FUNDC1: variants seen among roughly 807,000 people sequenced by gnomAD.
FUNDC1 encodes FUN14 domain-containing protein 1.
In FUNDC1, 10 loss-of-function variants were observed where a neutral mutation model predicts 14.5. The observed-to-expected ratio is 0.69, with a 90% CI of 0.43 to 1.17. FUNDC1 has a LOEUF of 1.17. Among genes scored for constraint, FUNDC1 ranks in the 50% most tolerant of loss-of-function variants. The probability of loss-of-function intolerance (pLI) is 0.00; values close to 1 mark genes in which losing one functional copy is unlikely to be tolerated. For missense variants in FUNDC1, 115 were observed against 113.8 expected, an observed-to-expected ratio of 1.01 and a Z score of -0.05; for synonymous variants, 33 against 39.7, an observed-to-expected ratio of 0.83 and a Z score of 0.64.
rs760438381 is a variant in FUNDC1, at chrX:44,524,204, T to C, written c.462A>G (p.Ala154=). 1.7e-6 allele frequency: 2 copies of C among 1,185,019 alleles called. No homozygotes were observed. The highest frequency in any genetic ancestry group is 1.8e-5 in the South Asian group (1 of 56,280). Residue 154 remains alanine (A), a synonymous_variant, in exon 5 of 5, where the codon GCA becomes GCG. Coordinates refer to ENST00000378045, the MANE Select transcript of FUNDC1 (RefSeq NM_173794.4). ...GFVGGFLLGL[A]S is the part of the protein sequence containing the mutation. ...TGGGAGAATATTCATGTCCTTAAGA[T>C]GCAAGTCCGAGCAAAAAGCCTCCCA...
chrX:44,531,315 GACACACACACACACACACACAC>G lies in FUNDC1; in HGVS notation c.262-3972_262-3951del, dbSNP rs766982993. Among the ~76,000 whole-genome samples the G allele has an allele frequency of 2.3e-3, 44 of 18,853 alleles. 1 individual carries two copies. The highest frequency in any genetic ancestry group is 4.2e-3 in the Admixed American group (8 of 1,901). The allele number at this position is 18,853 out of a possible 115,157, so 16.4% of individuals were successfully genotyped here. A position where few individuals can be genotyped will look rare whatever the true frequency, so the allele number is the denominator to read the frequency against. Reference sequence around the variant, plus strand: ...TTCAGATGAAGATTCATGTTGGCCAGACACACACACACACACACACACACACACACACACACACACACACACA... The same window carrying G: ...TTCAGATGAAGATTCATGTTGGCCAGACACACACACACACACACACACACA... On this transcript the variant is annotated intron_variant, in intron 3 of 4. Transcript: ENST00000378045.
intron 4 of FUNDC1, 39 bp downstream of exon 4, chrX:44,527,198 G>GAAAA: frequency 5.7e-6 from 5 of 869,757 alleles, no homozygotes; most frequent in East Asian, 3.7e-5. Flanking sequence ...CCAAAAAAAG[G>GAAAA]AAAAAAAAAA....
At chrX:44,528,299 T>G (rs1373491723) in intron 3 of FUNDC1, among the ~76,000 whole-genome samples, 2 of 112,338 alleles carry the variant, frequency 1.8e-5, no homozygotes, top group Non-Finnish European at 3.7e-5. Context: ...ACTAGAAATC[T>G]TAGGTTCTAT....
At chrX:44,536,508 G>A (rs188888988) in intron 3 of FUNDC1, among the ~76,000 whole-genome samples, 235 of 110,863 alleles carry the variant, frequency 2.1e-3, no homozygotes, top group Non-Finnish European at 2.7e-3. Context: ...ACACTCAGAC[G>A]ATTGAGGGAG....
chrX:44,527,147 AT>A, intron 4 of FUNDC1, 89 bp downstream of exon 4: 1 of 667,506 alleles, frequency 1.5e-6, no homozygotes, highest in African/African-American at 2.2e-5. Context: ...AAAGACAGTA[AT>A]CCCCCCCGGT....
intron 3 of FUNDC1, among the ~76,000 whole-genome samples, chrX:44,534,768 CAA>C (rs751419684): frequency 8.9e-6 from 1 of 112,113 alleles, no homozygotes; most frequent in African/African-American, 3.2e-5. Flanking sequence ...TTCAGACATG[CAA>C]AGTCTCAAAA....
chrX:44,539,536 G>A (rs778094824), intron 2 of FUNDC1, among the ~76,000 whole-genome samples: 4 of 111,701 alleles, frequency 3.6e-5, no homozygotes, highest in Non-Finnish European at 5.6e-5. Flanking sequence ...GCAACCACCA[G>A]AAGCTAGCAG....
chrX:44,537,671 T>C (rs2038954135), intron 3 of FUNDC1, among the ~76,000 whole-genome samples: 1 of 112,315 alleles, frequency 8.9e-6, no homozygotes, highest in Admixed American at 9.5e-5. Context: ...GCTTAGGTGC[T>C]GAATTCAGAT....
intron 4 of FUNDC1, among the ~76,000 whole-genome samples, chrX:44,525,390 T>C (rs1601899500): frequency 9.3e-6 from 1 of 107,026 alleles, no homozygotes; most frequent in Admixed American, 1.0e-4. Flanking sequence ...GGTCTCTCTC[T>C]CTTACCCAGG....
intron 1 of FUNDC1, among the ~76,000 whole-genome samples, chrX:44,542,530 A>AAAT (rs149758734): frequency 0.14 from 14,992 of 109,272 alleles, 1,781 homozygotes; most frequent in African/African-American, 0.37. Flanking sequence ...TAAAAAAAGA[A>AAAT]AATAATACAT....
intron 3 of FUNDC1, among the ~76,000 whole-genome samples, chrX:44,537,850 T>C (rs1569190241): frequency 8.9e-6 from 1 of 112,930 alleles, no homozygotes. Flanking sequence ...CAAACAGACA[T>C]GAATGCCAGA....
chrX:44,540,953 A>T (rs997112145), intron 2 of FUNDC1, among the ~76,000 whole-genome samples: 15 of 111,435 alleles, frequency 1.3e-4, no homozygotes, highest in African/African-American at 4.9e-4. Context: ...GCACCTCTGC[A>T]CCACAGAATC....
At position 44,527,337 on chromosome X, in the gene FUNDC1, A is replaced by G; in HGVS notation, c.290T>C (p.Ile97Thr). The change falls in exon 4 of 5, where the codon ATT becomes ACT. Residue 97 changes from isoleucine to threonine, a missense_variant. Ile to Thr is a moderately conservative substitution (Grantham distance 89, BLOSUM62 -1). Transcript: ENST00000378045. ...ATCTTTTTCAACTCTCTTCCAGTCA[A>G]TCTGCACATAGCCACTATGACTAGC... Reference protein sequence around the residue: ...QIASHSGYVQIDWKRVEKDVN... With the variant: ...QIASHSGYVQTDWKRVEKDVN... 8.4e-7 allele frequency: 1 copy of G among 1,190,085 alleles called. No homozygotes were observed. Among genetic ancestry groups the G allele is most frequent in the African/African-American group, 1.7e-5 (1 of 57,338 alleles).
chrX:44,527,277 G>A lies in FUNDC1; in HGVS notation c.350C>T (p.Ala117Val), dbSNP rs200599131. Residue 117 changes from alanine (A) to valine (V), a missense_variant, in exon 4 of 5, where the codon GCG becomes GTG. Transcript: ENST00000378045. ...NKAKRQIKKR[A>V]NKAAPEINNL... ...GTTGATTTCAGGTGCTGCTTTGTTC[G>A]CTCGTTTCTTAATCTGTCTTTTTGC... The A allele has an allele frequency of 1.2e-4, 139 of 1,188,885 alleles. No individual in the cohort carries two copies. Among genetic ancestry groups the A allele is most frequent in the Non-Finnish European group, 1.5e-4 (132 of 883,644 alleles).
chrX:44,531,587 C>A (rs896508845), intron 3 of FUNDC1, among the ~76,000 whole-genome samples: 6 of 110,106 alleles, frequency 5.4e-5, no homozygotes, highest in African/African-American at 2.0e-4. Context: ...TTGTTTAGAG[C>A]TTTCCATCAA....
At chrX:44,540,591 T>C (rs2038967925) in intron 2 of FUNDC1, among the ~76,000 whole-genome samples, 1 of 112,159 alleles carries the variant, frequency 8.9e-6, no homozygotes, top group African/African-American at 3.2e-5. Context: ...ACCTATCTCC[T>C]GCTGCTCTGT....
chrX:44,542,219 C>T, intron 1 of FUNDC1, 118 bp from the exon 2 acceptor site: 2 of 524,215 alleles, frequency 3.8e-6, no homozygotes, highest in Non-Finnish European at 6.2e-6. Context: ...GCTAAAAATG[C>T]CCACATAGAA....
chrX:44,540,905 G>A (rs2038968878), intron 2 of FUNDC1, among the ~76,000 whole-genome samples: 1 of 111,042 alleles, frequency 9.0e-6, no homozygotes, highest in African/African-American at 3.3e-5. Context: ...CTTTTTTCCT[G>A]CAGCAGCACT....
chrX:44,529,290 A>C (rs2038913773), intron 3 of FUNDC1, among the ~76,000 whole-genome samples: 1 of 111,957 alleles, frequency 8.9e-6, no homozygotes, highest in Non-Finnish European at 1.9e-5. Flanking sequence ...TTACATAGCC[A>C]TTTGTCACTG....
Sources: allele counts gnomAD v4.1 joint callset (sites outside exome capture counted in the v4.1 genomes callset), GRCh38; gene constraint gnomAD v4.1.1; transcripts MANE v1.5; gene names NCBI Gene and HGNC (gene_info 2026-07-23, HGNC 2026-07-21).